STARD13: variants seen among roughly 807,000 people sequenced by gnomAD.
The protein encoded by STARD13 is stAR-related lipid transfer protein 13.
STARD13 carries 62 observed loss-of-function variants against 106.4 expected under a neutral mutation model. The ratio of observed to expected loss-of-function variants is 0.58; its 90% CI spans 0.48 to 0.72. The LOEUF is 0.72. Ranked by LOEUF, STARD13 falls within the 30% of genes least tolerant of loss-of-function variation. The probability of loss-of-function intolerance (pLI) is 0.00; values close to 1 mark genes in which losing one functional copy is unlikely to be tolerated. For synonymous variants in STARD13, 565 were observed against 553.0 expected, an observed-to-expected ratio of 1.02 and a Z score of -0.31; for missense variants, 1,387 against 1,424.0, an observed-to-expected ratio of 0.97 and a Z score of 0.42.
chr13:33,392,833 C>T, the STARD13 span, among the ~76,000 whole-genome samples: 2 of 152,224 alleles, frequency 1.3e-5, no homozygotes, highest in South Asian at 4.1e-4. Context: ...GTCTAATTCT[C>T]TAAGCCTCAT....
chr13:33,136,260 G>C (rs1369969992), intron 4 of STARD13, among the ~76,000 whole-genome samples: 1 of 152,186 alleles, frequency 6.6e-6, no homozygotes, highest in Non-Finnish European at 1.5e-5. Context: ...AACAAAAATG[G>C]TATGAGCACA....
At chr13:33,324,170 CATA>C (rs1166113164) in intron 1 of STARD13, among the ~76,000 whole-genome samples, 6 of 152,202 alleles carry the variant, frequency 3.9e-5, no homozygotes, top group Non-Finnish European at 2.9e-5. Flanking sequence ...ATGCACTACT[CATA>C]ATAATAATTA....
chr13:33,142,494 G>A, intron 3 of STARD13, 121 bp from the exon 4 acceptor site: 1 of 830,860 alleles, frequency 1.2e-6, no homozygotes, highest in East Asian at 2.6e-5. Context: ...TATGTCCCAA[G>A]ACAGTACTGC....
At chr13:33,464,690 A>G in the STARD13 span, among the ~76,000 whole-genome samples, 6 of 152,190 alleles carry the variant, frequency 3.9e-5, no homozygotes, top group Admixed American at 3.9e-4. Flanking sequence ...CTCTACTAAA[A>G]ATACAAAAAT....
At chr13:33,665,729 A>G in the STARD13 span, among the ~76,000 whole-genome samples, 10 of 152,210 alleles carry the variant, frequency 6.6e-5, no homozygotes, top group Non-Finnish European at 1.5e-4. Flanking sequence ...TAATCAACTG[A>G]AAGCTTTCTG....
At chr13:33,119,745 T>C (rs982292030) in intron 7 of STARD13, among the ~76,000 whole-genome samples, 1 of 152,254 alleles carries the variant, frequency 6.6e-6, no homozygotes, top group Admixed American at 6.5e-5. Flanking sequence ...TTCAGGCTGA[T>C]AATATTGTCA....
intron 3 of STARD13, among the ~76,000 whole-genome samples, chr13:33,153,183 A>G (rs1881511370): frequency 6.6e-6 from 1 of 152,212 alleles, no homozygotes; most frequent in African/African-American, 2.4e-5. Context: ...ACAAATGTTT[A>G]TGGAAGTCCT....
the STARD13 span, among the ~76,000 whole-genome samples, chr13:33,588,364 T>C: frequency 6.6e-6 from 1 of 152,230 alleles, no homozygotes. Context: ...TCCAGCCAAC[T>C]TCAGTGCTTT....
chr13:33,417,093 C>A, the STARD13 span, among the ~76,000 whole-genome samples: 1 of 152,072 alleles, frequency 6.6e-6, no homozygotes, highest in Admixed American at 6.6e-5. Context: ...CAGGAAGATA[C>A]ACAAGTGACC....
chr13:33,345,704 C>A (rs555981550), downstream of STARD13, among the ~76,000 whole-genome samples: 1 of 152,126 alleles, frequency 6.6e-6, no homozygotes, highest in Non-Finnish European at 1.5e-5. Context: ...AATATAAGTT[C>A]TTCTTTAACA....
At chr13:33,125,767 A>G (rs938580889) in intron 7 of STARD13, among the ~76,000 whole-genome samples, 2 of 152,202 alleles carry the variant, frequency 1.3e-5, no homozygotes, top group African/African-American at 4.8e-5. Context: ...ATAGTTACAA[A>G]GGAAATGCAG....
intron 1 of STARD13, among the ~76,000 whole-genome samples, chr13:33,308,374 A>G (rs1892991432): frequency 1.3e-5 from 2 of 152,102 alleles, no homozygotes. Context: ...TAGTATATAT[A>G]TATTTTTTAA....
chr13:33,288,619 A>T (rs538994868), upstream of STARD13, among the ~76,000 whole-genome samples: 10 of 141,264 alleles, frequency 7.1e-5, no homozygotes, highest in South Asian at 4.4e-4. Flanking sequence ...TTCCCTAATT[A>T]AAAAAAAAAA....
chr13:33,433,697 G>C, the STARD13 span, among the ~76,000 whole-genome samples: 4 of 152,066 alleles, frequency 2.6e-5, no homozygotes, highest in Admixed American at 2.6e-4. Context: ...ATTCAAAGGA[G>C]GGTTCATTAA....
At chr13:33,640,435 C>T in the STARD13 span, among the ~76,000 whole-genome samples, 5 of 152,250 alleles carry the variant, frequency 3.3e-5, 1 homozygote, top group South Asian at 1.0e-3. Context: ...ATAGCAAGGA[C>T]TGTATTCTCT....
At chr13:33,529,865 G>T in the STARD13 span, among the ~76,000 whole-genome samples, 33 of 152,096 alleles carry the variant, frequency 2.2e-4, no homozygotes, top group Non-Finnish European at 4.4e-4. Flanking sequence ...TGATGCCTAG[G>T]GGGTACCGGT....
the STARD13 span, among the ~76,000 whole-genome samples, chr13:33,612,389 T>C: frequency 1.3e-5 from 2 of 152,208 alleles, no homozygotes; most frequent in Non-Finnish European, 2.9e-5. Flanking sequence ...ACAATGTGAA[T>C]GATGCCTTCC....
At chr13:33,352,429 T>C (rs1020566892), upstream of STARD13, among the ~76,000 whole-genome samples, 2 of 152,202 alleles carry the variant, frequency 1.3e-5, no homozygotes, top group Non-Finnish European at 2.9e-5. Context: ...GAACAGAACA[T>C]AACCATTCAA....
chr13:33,505,461 G>C, the STARD13 span, among the ~76,000 whole-genome samples: 1 of 151,826 alleles, frequency 6.6e-6, no homozygotes, highest in East Asian at 1.9e-4. Flanking sequence ...AATATTATAA[G>C]CCAGAAAAAT....
Sources: allele counts gnomAD v4.1 joint callset (sites outside exome capture counted in the v4.1 genomes callset), GRCh38; gene constraint gnomAD v4.1.1; transcripts MANE v1.5; gene names NCBI Gene and HGNC (gene_info 2026-07-23, HGNC 2026-07-21).